The following RGS6 variants were observed in gnomAD, a reference collection of about 807,000 sequenced individuals.
The protein encoded by RGS6 is regulator of G protein signaling 6.
A neutral mutation model predicts 78.5 loss-of-function variants in RGS6; 30 were observed. The ratio of observed to expected loss-of-function variants is 0.38; its 90% confidence interval spans 0.29 to 0.52. The LOEUF (loss-of-function observed/expected upper bound fraction) is 0.52, where lower values mean the gene tolerates loss of function less well. Among genes scored for constraint, RGS6 ranks in the 20% least tolerant of loss-of-function variants. The pLI is 0.85. For missense variants in RGS6, 495 were observed against 609.7 expected, an observed-to-expected ratio of 0.81 and a Z score of 1.98; for synonymous variants, 206 against 206.0, an observed-to-expected ratio of 1.00 and a Z score of 0.00.
rs78867639 is a variant in RGS6, at chr14:71,956,197, C to T, written c.-20-8575C>T. On this transcript the variant is annotated intron_variant, in intron 1 of 17. Transcript: ENST00000553525. ...CTGGTTGTGTGACTTCCTCTCCATC[C>T]CAAAGTGTTCATCTGTTTGGATGGG... Among the ~76,000 whole-genome samples the T allele has an allele frequency of 2.4e-3, 362 of 152,022 alleles. 4 individuals are homozygous for T. The highest frequency in any genetic ancestry group is 8.2e-3 in the African/African-American group (341 of 41,472).
At chr14:72,490,093 C>A (rs1432158180) in intron 12 of RGS6, among the ~76,000 whole-genome samples, 1 of 152,086 alleles carries the variant, frequency 6.6e-6, no homozygotes, top group Non-Finnish European at 1.5e-5. Flanking sequence ...TTGCCTGTGT[C>A]CCCACCCAGA....
the RGS6 span, among the ~76,000 whole-genome samples, chr14:71,874,083 C>G: frequency 3.9e-4 from 60 of 152,140 alleles, no homozygotes; most frequent in Non-Finnish European, 7.3e-4. Context: ...CATGATGCCT[C>G]CAGCTTTATT....
chr14:72,536,045 G>A (rs1598838140), intron 15 of RGS6, 141 bp from the exon 16 acceptor site: 1 of 655,456 alleles, frequency 1.5e-6, no homozygotes, highest in East Asian at 2.7e-5. Flanking sequence ...GATGGAACAT[G>A]TTGCAAGTTT....
intron 2 of RGS6, among the ~76,000 whole-genome samples, chr14:72,084,150 G>A (rs1213648199): frequency 6.6e-6 from 1 of 152,146 alleles, no homozygotes; most frequent in Non-Finnish European, 1.5e-5. Context: ...GGGAGGGGAG[G>A]ATGGTTTCAG....
intron 3 of RGS6, among the ~76,000 whole-genome samples, chr14:72,434,763 A>G (rs1000591809): frequency 2.0e-5 from 3 of 152,196 alleles, no homozygotes; most frequent in African/African-American, 4.8e-5. Context: ...CATTAAATTC[A>G]TATGTTTATT....
At chr14:72,447,739 G>A (rs867529188) in intron 3 of RGS6, among the ~76,000 whole-genome samples, 1 of 152,288 alleles carries the variant, frequency 6.6e-6, no homozygotes, top group Middle Eastern at 3.4e-3. Flanking sequence ...TTTCGCTCTT[G>A]TTTCCCAGGC....
chr14:72,047,898 G>GTTTTTT (rs869098348), intron 2 of RGS6, among the ~76,000 whole-genome samples: 6 of 29,638 alleles, frequency 2.0e-4, no homozygotes, highest in Admixed American at 7.2e-4. Context: ...GCTAATTTTT[G>GTTTTTT]TTTTTTTTTT....
intron 12 of RGS6, among the ~76,000 whole-genome samples, chr14:72,489,065 C>A (rs1049029997): frequency 6.6e-6 from 1 of 151,930 alleles, no homozygotes; most frequent in African/African-American, 2.4e-5. Flanking sequence ...CCTTGAGCTG[C>A]CAAGTGGATG....
intron 3 of RGS6, among the ~76,000 whole-genome samples, chr14:72,380,030 AT>A (rs574739563): frequency 0.013 from 2,030 of 151,562 alleles, 17 homozygotes; most frequent in Non-Finnish European, 0.02. Context: ...TAGCCAACTG[AT>A]TTTTGACAAA....
At chr14:71,912,155 G>A in the RGS6 span, among the ~76,000 whole-genome samples, 1 of 152,126 alleles carries the variant, frequency 6.6e-6, no homozygotes, top group African/African-American at 2.4e-5. Context: ...ATGTCAAAGT[G>A]GCAACGAGAG....
chr14:71,949,403 A>G (rs2092021238), intron 1 of RGS6, among the ~76,000 whole-genome samples: 1 of 151,144 alleles, frequency 6.6e-6, no homozygotes, highest in Admixed American at 6.6e-5. Flanking sequence ...TTCAATTTGC[A>G]TTTTTCTGGT....
chr14:71,992,885 ACT>A (rs140106919), intron 2 of RGS6, among the ~76,000 whole-genome samples: 11,179 of 151,816 alleles, frequency 0.074, 546 homozygotes, highest in East Asian at 0.21. Context: ...TCTTATGAAT[ACT>A]CTCTATATTT....
At position 72,447,023 on chromosome 14, in the gene RGS6, C is replaced by T. The variant is rs543223541; in HGVS notation, c.185-7505C>T. ...CCATTACCTGTTGGGAGGCTGAGGA[C>T]CCCTGAGCTAGAGGAAGAGGTGGGA... On this transcript the variant is annotated intron_variant, in intron 3 of 17. Transcript: ENST00000553525. 7.2e-5 allele frequency among the ~76,000 whole-genome samples: 11 copies of T among 152,086 alleles called. No homozygotes were observed. In the South Asian group the frequency reaches 2.3e-3, roughly 32 times the overall value.
chr14:72,381,716 T>C (rs879826788), intron 3 of RGS6, among the ~76,000 whole-genome samples: 1 of 152,058 alleles, frequency 6.6e-6, no homozygotes, highest in Non-Finnish European at 1.5e-5. Context: ...TATCTCAGGA[T>C]GAAAGTTTGA....
At chr14:72,496,352 T>C (rs1383917486) in intron 13 of RGS6, among the ~76,000 whole-genome samples, 6 of 152,216 alleles carry the variant, frequency 3.9e-5, no homozygotes. Flanking sequence ...AACTACTAGC[T>C]TAAGATGGTT....
At chr14:72,610,927 C>T in the RGS6 span, among the ~76,000 whole-genome samples, 1 of 152,244 alleles carries the variant, frequency 6.6e-6, no homozygotes, top group Non-Finnish European at 1.5e-5. Flanking sequence ...CTCAAAAGAA[C>T]GTTGCCCACA....
Position 72,096,812 on chromosome 14 carries a change from C to G in RGS6, c.84+131937C>G, listed in dbSNP as rs138309368. Reference sequence around the variant, plus strand: ...CTTTCCGTTGGTTGTGCTGGACAGCCCAGATGAAGGGGCAAGTTCCCAAGG... The same window carrying G: ...CTTTCCGTTGGTTGTGCTGGACAGCGCAGATGAAGGGGCAAGTTCCCAAGG... On this transcript the variant is annotated intron_variant, in intron 2 of 17. Transcript: ENST00000553525. Among the ~76,000 whole-genome samples the G allele has an allele frequency of 5.1e-4, 77 of 152,216 alleles. No homozygotes were observed. In the East Asian group the frequency reaches 0.014, roughly 28 times the overall value.
chr14:72,444,884 C>T (rs1253862502), intron 3 of RGS6, among the ~76,000 whole-genome samples: 1 of 17,024 alleles, frequency 5.9e-5, no homozygotes, highest in Non-Finnish European at 1.2e-4. Context: ...TTCAAGACCA[C>T]GTCAGAATGA....
chr14:71,974,484 T>C (rs946426421), intron 2 of RGS6, among the ~76,000 whole-genome samples: 6 of 152,176 alleles, frequency 3.9e-5, no homozygotes, highest in African/African-American at 1.4e-4. Flanking sequence ...AAATCAAATA[T>C]CCATTGAAAG....
Sources: allele counts gnomAD v4.1 joint callset (sites outside exome capture counted in the v4.1 genomes callset), GRCh38; gene constraint gnomAD v4.1.1; transcripts MANE v1.5; gene names NCBI Gene and HGNC (gene_info 2026-07-23, HGNC 2026-07-21).